Variants in PTPN12 observed in about 807,000 individuals in gnomAD.
PTPN12 encodes tyrosine-protein phosphatase non-receptor type 12.
A neutral mutation model predicts 97.6 loss-of-function variants in PTPN12; 29 were observed. The ratio of observed to expected loss-of-function variants is 0.30; its 90% CI spans 0.22 to 0.41. PTPN12 has a LOEUF of 0.41. PTPN12 is among the 10% of genes least tolerant of loss of function. The probability of loss-of-function intolerance (pLI) is 1.00; values close to 1 mark genes in which losing one functional copy is unlikely to be tolerated. For synonymous variants in PTPN12, 327 were observed against 300.4 expected, an observed-to-expected ratio of 1.09 and a Z score of -0.91; for missense variants, 819 against 926.0, an observed-to-expected ratio of 0.88 and a Z score of 1.50.
At chr7:77,620,860 A>C (rs1264985377) in intron 12 of PTPN12, among the ~76,000 whole-genome samples, 1 of 152,224 alleles carries the variant, frequency 6.6e-6, no homozygotes, top group Non-Finnish European at 1.5e-5. Flanking sequence ...AGGCAGGAGA[A>C]TCGCTTGAAC....
At chr7:77,574,597 C>T (rs1312780616) in intron 2 of PTPN12, among the ~76,000 whole-genome samples, 2 of 152,126 alleles carry the variant, frequency 1.3e-5, no homozygotes, top group East Asian at 1.9e-4. Context: ...TGGCATCTAA[C>T]AAGTAGAGGC....
intron 8 of PTPN12, among the ~76,000 whole-genome samples, chr7:77,601,871 C>T (rs1444786831): frequency 6.6e-6 from 1 of 152,042 alleles, no homozygotes; most frequent in Non-Finnish European, 1.5e-5. Context: ...GTAATAAAAA[C>T]TATTGATACA....
At chr7:77,564,652 A>G (rs767217139) in intron 1 of PTPN12, among the ~76,000 whole-genome samples, 3 of 149,910 alleles carry the variant, frequency 2.0e-5, no homozygotes, top group Non-Finnish European at 4.4e-5. Flanking sequence ...TACAAAGTAT[A>G]GTTTTAATAT....
Position 77,639,377 on chromosome 7 carries a change from C to A in PTPN12, c.*97C>A. On this transcript the variant is annotated 3_prime_UTR_variant, in exon 18 of 18. Coordinates refer to ENST00000248594, the MANE Select transcript of PTPN12 (RefSeq NM_002835.4). Reference sequence around the variant, plus strand: ...TTCCATCTTTAATATGTGGGACTAACAGCAGTGTAGATTGTTACCTTAATA... The same window carrying A: ...TTCCATCTTTAATATGTGGGACTAAAAGCAGTGTAGATTGTTACCTTAATA... 1.0e-6 allele frequency: 1 copy of A among 983,598 alleles called. No individual in the cohort carries two copies. The highest frequency in any genetic ancestry group is 1.6e-6 in the Non-Finnish European group (1 of 643,934). The allele number at this position is 983,598 out of a possible 1,614,324, so 60.9% of individuals were successfully genotyped here.
intron 6 of PTPN12, among the ~76,000 whole-genome samples, chr7:77,595,271 G>T (rs1388068533): frequency 6.6e-6 from 1 of 152,138 alleles, no homozygotes; most frequent in Admixed American, 6.5e-5. Context: ...TGTTATCATT[G>T]ACTTAACTGC....
chr7:77,543,625 A>G (rs1807086470), intron 1 of PTPN12, among the ~76,000 whole-genome samples: 1 of 152,156 alleles, frequency 6.6e-6, no homozygotes. Context: ...AACCATAATC[A>G]ATTTTAGGAC....
intron 12 of PTPN12, among the ~76,000 whole-genome samples, chr7:77,626,075 T>C (rs1305947352): frequency 2.0e-5 from 3 of 152,116 alleles, no homozygotes; most frequent in Non-Finnish European, 2.9e-5. Context: ...TCTGTGGTAT[T>C]GATACTTACT....
intron 8 of PTPN12, among the ~76,000 whole-genome samples, chr7:77,601,255 A>G (rs900768868): frequency 1.3e-5 from 2 of 152,168 alleles, no homozygotes; most frequent in African/African-American, 4.8e-5. Context: ...CAGTGGCACA[A>G]TCATAGCTTA....
At chr7:77,618,755 A>G (rs758990611) in intron 12 of PTPN12, among the ~76,000 whole-genome samples, 190 bp downstream of exon 12, 5 of 152,184 alleles carry the variant, frequency 3.3e-5, no homozygotes, top group Non-Finnish European at 5.9e-5. Context: ...TTTGGATAAA[A>G]TTTCAATAAT....
At chr7:77,541,080 G>C (rs566161764) in intron 1 of PTPN12, among the ~76,000 whole-genome samples, 39 of 152,118 alleles carry the variant, frequency 2.6e-4, no homozygotes, top group African/African-American at 9.2e-4. Flanking sequence ...TTTTGGTTTT[G>C]TTTTGTTTTG....
chr7:77,604,658 T>C (rs1273923594), intron 8 of PTPN12, among the ~76,000 whole-genome samples: 1 of 152,156 alleles, frequency 6.6e-6, no homozygotes, highest in East Asian at 1.9e-4. Context: ...GAATGGTTTT[T>C]GTCCATTGAG....
chr7:77,621,416 C>G (rs532302909), intron 12 of PTPN12, among the ~76,000 whole-genome samples: 2 of 152,290 alleles, frequency 1.3e-5, no homozygotes, highest in African/African-American at 4.8e-5. Flanking sequence ...CGCCTGTAAT[C>G]CCAGCATTTT....
At chr7:77,596,386 G>A (rs1305342276) in intron 6 of PTPN12, among the ~76,000 whole-genome samples, 2 of 151,846 alleles carry the variant, frequency 1.3e-5, no homozygotes, top group Non-Finnish European at 2.9e-5. Flanking sequence ...TCATTTTAAG[G>A]TTTTTAAAAA....
chr7:77,625,565 CTTTTTTT>C (rs1179793825), intron 12 of PTPN12, among the ~76,000 whole-genome samples: 9 of 24,150 alleles, frequency 3.7e-4, no homozygotes, highest in African/African-American at 6.9e-4. Context: ...CTCTCTCTCT[CTTTTTTT>C]TTTTTTTTTT....
intron 5 of PTPN12, among the ~76,000 whole-genome samples, chr7:77,591,012 C>T (rs1037000375): frequency 1.3e-5 from 2 of 152,114 alleles, no homozygotes; most frequent in African/African-American, 4.8e-5. Flanking sequence ...ACACTCCAGC[C>T]TGGGTGACAA....
chr7:77,562,351 C>T (rs1245232035), intron 1 of PTPN12, among the ~76,000 whole-genome samples: 1 of 152,152 alleles, frequency 6.6e-6, no homozygotes, highest in Non-Finnish European at 1.5e-5. Flanking sequence ...CTGCTTCCGG[C>T]CTGCTGTATG....
Position 77,600,771 on chromosome 7 carries a change from A to C in PTPN12, c.660A>C (p.Gln220His). 6.2e-7 allele frequency: 1 copy of C among 1,606,546 alleles called. No individual in the cohort carries two copies. The highest frequency in any genetic ancestry group is 8.5e-7 in the Non-Finnish European group (1 of 1,177,168). Residue 220 changes from glutamine to histidine, a missense_variant, in exon 8 of 18, where the codon CAA (glutamine) becomes CAC (histidine). Gln to His is a conservative substitution (Grantham distance 24, BLOSUM62 0). Transcript: ENST00000248594. ...TGATAAGCTTAATGAGGAAATATCA[A>C]GAACATGAAGATGTTCCTATTTGTA... ...LDMISLMRKY[Q>H]EHEDVPICIH...
intron 11 of PTPN12, among the ~76,000 whole-genome samples, chr7:77,616,108 A>G (rs1788741165): frequency 1.3e-5 from 2 of 152,186 alleles, no homozygotes. Context: ...TCTCACATGT[A>G]GTGTTTGCCT....
intron 1 of PTPN12, among the ~76,000 whole-genome samples, chr7:77,553,851 ATT>A (rs145024940): frequency 1.4e-5 from 2 of 145,172 alleles, no homozygotes; most frequent in African/African-American, 2.5e-5. Context: ...CTTTGTTCCT[ATT>A]TTTTTTTTTG....
Sources: gnomAD v4.1 joint callset for allele counts (sites outside exome capture counted in the v4.1 genomes callset) on GRCh38, gnomAD v4.1.1 for gene constraint, MANE v1.5 for transcripts, NCBI Gene and HGNC (gene_info 2026-07-23, HGNC 2026-07-21) for gene names.